Variants in GPR155 observed in about 807,000 individuals in gnomAD.
GPR155 encodes the protein lysosomal cholesterol signaling protein.
Under a neutral mutation model 93.1 loss-of-function variants are expected in GPR155, and 65 were observed. That is an observed-to-expected ratio of 0.70 (90% CI 0.57 to 0.86). GPR155 has a LOEUF of 0.86. Among genes scored for constraint, GPR155 ranks in the 40% least tolerant of loss-of-function variants. GPR155 has a pLI of 0.00. For missense variants in GPR155, 838 were observed against 1,034.8 expected (o/e 0.81, Z 2.61); for synonymous variants, 319 against 360.1 (o/e 0.89, Z 1.29).
At chr2:174,473,464 A>G (rs919827910) in intron 2 of GPR155, 100 bp from the exon 3 acceptor site, 4 of 787,414 alleles carry the variant, frequency 5.1e-6, no homozygotes, top group Middle Eastern at 3.9e-4. Flanking sequence ...TGATAAATCT[A>G]AAATTTTCAA....
chr2:174,440,664 G>A (rs1342249494), intron 14 of GPR155, among the ~76,000 whole-genome samples: 1 of 152,120 alleles, frequency 6.6e-6, no homozygotes, highest in African/African-American at 2.4e-5. Context: ...GCATTTACTG[G>A]GCACTTTTCA....
intron 7 of GPR155, among the ~76,000 whole-genome samples, chr2:174,464,917 A>C (rs180976000): frequency 6.6e-6 from 1 of 152,228 alleles, no homozygotes; most frequent in Admixed American, 6.5e-5. Context: ...GAAGGCATGA[A>C]ATCAAAGGTC....
intron 14 of GPR155, among the ~76,000 whole-genome samples, 176 bp from the exon 15 acceptor site, chr2:174,440,211 C>CATT (rs1185907017): frequency 6.6e-6 from 1 of 152,144 alleles, no homozygotes; most frequent in Non-Finnish European, 1.5e-5. Flanking sequence ...TTCCAGACAT[C>CATT]ATTAGTCTCA....
intron 9 of GPR155, among the ~76,000 whole-genome samples, chr2:174,460,408 C>T (rs932790140): frequency 6.6e-6 from 1 of 151,848 alleles, no homozygotes; most frequent in African/African-American, 2.4e-5. Flanking sequence ...GTGACCCACC[C>T]GCCTCGGCCT....
In GPR155 at chr2:174,453,870, A is replaced by G. The variant is rs769031928; in HGVS notation, c.1772-29T>C. ...TATCAATCAAATAGTATGTGAGAGT[A>G]GAGCCCAACCACAACAGAAATGGAC... is the stretch of plus-strand genomic sequence containing the variant. On this transcript the variant is annotated intron_variant, in intron 10 of 15. Coordinates refer to ENST00000392552, the MANE Select transcript of GPR155 (RefSeq NM_152529.7). 1.2e-5 allele frequency: 17 copies of G among 1,429,728 alleles called. No individual in the cohort carries two copies. In the East Asian group the frequency reaches 1.4e-4, roughly 11 times the overall value. The allele number at this position is 1,429,728 out of a possible 1,614,324, so 88.6% of individuals were successfully genotyped here.
Position 174,477,450 on chromosome 2 carries a change from T to C in GPR155, c.460+4047A>G, listed in dbSNP as rs150656420. On this transcript the variant is annotated intron_variant, in intron 2 of 15. Coordinates refer to ENST00000392552, the MANE Select transcript of GPR155 (RefSeq NM_152529.7). ...CATTATGAATATTTATAAAGCAGGT[T>C]ACTATTGAGGTATTTTAAGTCAGCT... Among the ~76,000 whole-genome samples the C allele has an allele frequency of 1.1e-3, 167 of 152,280 alleles. 2 individuals are homozygous for C. Among genetic ancestry groups the C allele is most frequent in the African/African-American group, 3.7e-3 (152 of 41,576 alleles).
chr2:174,454,640 A>AGGAAGGAGGGAGGGAAGAAGGGAAGGAG (rs1444561619), intron 10 of GPR155, among the ~76,000 whole-genome samples: 6 of 140,548 alleles, frequency 4.3e-5, no homozygotes, highest in African/African-American at 7.7e-5. Context: ...GAAGGAAGGA[A>AGGAAGGAGGGAGGGAAGAAGGGAAGGAG]GGAAGGAGGG....
In GPR155 at chr2:174,433,363, A is replaced by T. The variant is rs1386457522; in HGVS notation, c.*2753T>A. 3 of 152,226 alleles carry T rather than the reference A, an allele frequency of 2.0e-5. No homozygotes were observed. Among genetic ancestry groups the T allele is most frequent in the Non-Finnish European group, 4.4e-5 (3 of 68,040 alleles). 9.4% of individuals were successfully genotyped at this position (152,226 alleles called of 1,614,324 possible). ...TGAAACCTAATCCTCAATCATGTTT[A>T]ACATCTGTTTTTCACAGGAGAATAG... On this transcript the variant is annotated 3_prime_UTR_variant, in exon 16 of 16. Coordinates refer to ENST00000392552, the MANE Select transcript of GPR155 (RefSeq NM_152529.7).
chr2:174,436,093 T>A lies in GPR155; in HGVS notation c.*23A>T. On this transcript the variant is annotated 3_prime_UTR_variant, in exon 16 of 16. Coordinates refer to ENST00000392552, the MANE Select transcript of GPR155 (RefSeq NM_152529.7). ...AATACGCGGCTAGAATATGATTCCA[T>A]GTAGGGTTCTCCCCTGCATAATTTA... 1 of 1,588,592 alleles carries A rather than the reference T, an allele frequency of 6.3e-7. No homozygotes were observed. Among genetic ancestry groups the A allele is most frequent in the East Asian group, 2.2e-5 (1 of 44,612 alleles).
intron 3 of GPR155, among the ~76,000 whole-genome samples, chr2:174,471,609 T>C (rs1688001471): frequency 6.6e-6 from 1 of 152,118 alleles, no homozygotes; most frequent in Non-Finnish European, 1.5e-5. Context: ...TCCACAGTAG[T>C]TGAGCAAATA....
intron 2 of GPR155, among the ~76,000 whole-genome samples, chr2:174,474,647 T>C (rs1036500013): frequency 6.6e-6 from 1 of 152,146 alleles, no homozygotes; most frequent in African/African-American, 2.4e-5. Flanking sequence ...AAAGTATGTG[T>C]GCTGTATTTG....
chr2:174,433,041 G>GT lies in GPR155; in HGVS notation c.*3074dup, dbSNP rs1686681471. 1 of 151,276 alleles carries GT rather than the reference G, an allele frequency of 6.6e-6. No homozygotes were observed. Among genetic ancestry groups the GT allele is most frequent in the Non-Finnish European group, 1.5e-5 (1 of 67,866 alleles). 9.4% of individuals were successfully genotyped at this position (151,276 alleles called of 1,614,324 possible). ...ACCTCCCAAAGTGCTGGGATTGCAG[G>GT]TATGAACCACCGCGCCTGGCCCCCA... On this transcript the variant is annotated 3_prime_UTR_variant, in exon 16 of 16. Coordinates refer to ENST00000392552, the MANE Select transcript of GPR155 (RefSeq NM_152529.7).
intron 5 of GPR155, 114 bp downstream of exon 5, chr2:174,468,798 G>T: frequency 1.1e-6 from 1 of 902,944 alleles, no homozygotes; most frequent in Non-Finnish European, 1.7e-6. Context: ...TTATGGGCAG[G>T]CTTTAGCTTT....
At chr2:174,459,840 G>T in intron 10 of GPR155, 38 bp downstream of exon 10, 3 of 1,461,574 alleles carry the variant, frequency 2.1e-6, no homozygotes, top group Non-Finnish European at 1.9e-6. Flanking sequence ...GCAAGATTCT[G>T]TCTCAAATAA....
chr2:174,459,841 T>C, intron 10 of GPR155, 37 bp downstream of exon 10: 1 of 1,470,078 alleles, frequency 6.8e-7, no homozygotes, highest in South Asian at 1.2e-5. Context: ...CAAGATTCTG[T>C]CTCAAATAAA....
chr2:174,468,818 A>G, intron 5 of GPR155, 94 bp downstream of exon 5: 1 of 1,056,414 alleles, frequency 9.5e-7, no homozygotes, highest in Non-Finnish European at 1.4e-6. Context: ...TCTTTATTTC[A>G]TAAGAAACTA....
At chr2:174,473,891 T>A (rs1688070021) in intron 2 of GPR155, among the ~76,000 whole-genome samples, 1 of 152,026 alleles carries the variant, frequency 6.6e-6, no homozygotes, top group Admixed American at 6.6e-5. Context: ...ATGGGAGATG[T>A]TTGGAGGCCT....
intron 13 of GPR155, 111 bp downstream of exon 13, chr2:174,444,970 T>C: frequency 1.6e-6 from 1 of 627,716 alleles, no homozygotes; most frequent in South Asian, 1.9e-5. Context: ...CTAAATCCTT[T>C]TTATGTGAAA....
At chr2:174,438,368 A>G (rs1311695736) in intron 15 of GPR155, among the ~76,000 whole-genome samples, 1 of 152,222 alleles carries the variant, frequency 6.6e-6, no homozygotes, top group African/African-American at 2.4e-5. Context: ...CATTCAGCCA[A>G]ATGGGACTGA....
Sources: allele counts gnomAD v4.1 joint callset (sites outside exome capture counted in the v4.1 genomes callset), GRCh38; gene constraint gnomAD v4.1.1; transcripts MANE v1.5; gene names NCBI Gene and HGNC (gene_info 2026-07-23, HGNC 2026-07-21).